CLIC4: variants seen among roughly 807,000 people sequenced by gnomAD.
CLIC4 encodes the protein CLIC family member 4.
Under a neutral mutation model 24.6 loss-of-function variants are expected in CLIC4, and 13 were observed. The ratio of observed to expected loss-of-function variants is 0.53; its 90% CI spans 0.34 to 0.84. The LOEUF is 0.84. CLIC4 is among the 40% of genes least tolerant of loss of function. CLIC4 has a pLI of 0.01. For synonymous variants in CLIC4, 104 were observed against 111.3 expected (o/e 0.93, Z 0.41); for missense variants, 227 against 301.7 (o/e 0.75, Z 1.83).
intron 2 of CLIC4, among the ~76,000 whole-genome samples, chr1:24,805,813 A>G (rs960176152): frequency 2.6e-5 from 4 of 152,188 alleles, no homozygotes; most frequent in Admixed American, 1.3e-4. Flanking sequence ...ATTTTAATAG[A>G]AATTAAGCCA....
At chr1:24,767,598 C>T (rs1639017093) in intron 1 of CLIC4, among the ~76,000 whole-genome samples, 2 of 152,160 alleles carry the variant, frequency 1.3e-5, no homozygotes, top group African/African-American at 4.8e-5. Context: ...CCTGTTGACA[C>T]TTACTAGGTA....
chr1:24,801,928 A>T (rs1008433006), intron 2 of CLIC4, among the ~76,000 whole-genome samples: 15 of 152,206 alleles, frequency 9.9e-5, no homozygotes, highest in African/African-American at 3.4e-4. Context: ...TTGGGCAGAG[A>T]TGTAAGAATG....
At chr1:24,820,439 A>T (rs962620854) in intron 3 of CLIC4, among the ~76,000 whole-genome samples, 4 of 150,568 alleles carry the variant, frequency 2.7e-5, no homozygotes, top group East Asian at 2.0e-4. Flanking sequence ...GTTTAAAAAA[A>T]TTTTTGTAGA....
intron 2 of CLIC4, among the ~76,000 whole-genome samples, chr1:24,799,148 C>T (rs1213348399): frequency 6.6e-6 from 1 of 151,290 alleles, no homozygotes. Context: ...GCTGCCTAGT[C>T]TGGAAAGTGA....
At chr1:24,799,567 G>T (rs1338713251) in intron 2 of CLIC4, among the ~76,000 whole-genome samples, 16 of 149,542 alleles carry the variant, frequency 1.1e-4, no homozygotes, top group African/African-American at 4.0e-4. Flanking sequence ...GAGCGTCTCC[G>T]CCCGGCCAGC....
intron 2 of CLIC4, among the ~76,000 whole-genome samples, chr1:24,807,177 T>C (rs181059839): frequency 9.2e-5 from 14 of 152,014 alleles, no homozygotes; most frequent in Non-Finnish European, 1.5e-5. Context: ...TAAGAATCTT[T>C]CTGTTTAGAG....
At chr1:24,746,084 T>A (rs1054152034) in intron 1 of CLIC4, among the ~76,000 whole-genome samples, 28 of 152,024 alleles carry the variant, frequency 1.8e-4, no homozygotes, top group Non-Finnish European at 3.1e-4. Flanking sequence ...CAAACGAACT[T>A]CTTTGAACGC....
chr1:24,771,882 C>T (rs763340870), intron 1 of CLIC4: 11 of 514,076 alleles, frequency 2.1e-5, no homozygotes, highest in East Asian at 1.1e-4. Flanking sequence ...GCTACCTCAT[C>T]TGTCAAGTGG....
At chr1:24,769,134 A>G (rs184706422) in intron 1 of CLIC4, among the ~76,000 whole-genome samples, 6 of 151,766 alleles carry the variant, frequency 4.0e-5, no homozygotes, top group Admixed American at 3.9e-4. Flanking sequence ...GTCTCAAAAC[A>G]AAAGAAAACA....
At chr1:24,816,024 A>C (rs1218594940) in intron 3 of CLIC4, among the ~76,000 whole-genome samples, 1 of 152,144 alleles carries the variant, frequency 6.6e-6, no homozygotes, top group East Asian at 1.9e-4. Flanking sequence ...CATCCATTCA[A>C]ATTTTATTAT....
intron 3 of CLIC4, among the ~76,000 whole-genome samples, chr1:24,822,688 G>A (rs965119075): frequency 3.9e-5 from 6 of 152,136 alleles, no homozygotes; most frequent in Admixed American, 2.6e-4. Context: ...TAACTCTTCT[G>A]ATGAATTTTT....
chr1:24,827,998 A>G (rs1639803929), intron 4 of CLIC4, among the ~76,000 whole-genome samples: 1 of 152,254 alleles, frequency 6.6e-6, no homozygotes, highest in African/African-American at 2.4e-5. Context: ...ATAGTTCCAG[A>G]TAGTTTCCTA....
intron 3 of CLIC4, among the ~76,000 whole-genome samples, chr1:24,818,028 C>G (rs1004376923): frequency 3.9e-5 from 6 of 152,128 alleles, no homozygotes; most frequent in African/African-American, 1.4e-4. Context: ...CATCAGAGAT[C>G]ACTAATCACA....
chr1:24,797,991 TATATAACTATTTTGGACAAGTC>T (rs2124132107), intron 2 of CLIC4, 140 bp downstream of exon 2: 3 of 630,906 alleles, frequency 4.8e-6, no homozygotes, highest in African/African-American at 1.9e-5. Context: ...AAACAACTTG[TATATAACTATTTTGGACAAGTC>T]ACGCTGTCAG....
intron 1 of CLIC4, among the ~76,000 whole-genome samples, chr1:24,795,910 A>G (rs1639393763): frequency 6.6e-6 from 1 of 152,160 alleles, no homozygotes; most frequent in South Asian, 2.1e-4. Flanking sequence ...GGAGGCGGGT[A>G]CACCTACAAG....
intron 1 of CLIC4, among the ~76,000 whole-genome samples, chr1:24,774,020 TGGA>T (rs773241323): frequency 1.3e-5 from 2 of 152,366 alleles, no homozygotes; most frequent in South Asian, 2.1e-4. Context: ...TGGCCCTGGC[TGGA>T]GTGCAGTGGT....
intron 3 of CLIC4, among the ~76,000 whole-genome samples, chr1:24,816,634 G>T (rs1418489353): frequency 2.0e-5 from 3 of 152,078 alleles, no homozygotes; most frequent in African/African-American, 7.2e-5. Flanking sequence ...ACTTTCTATG[G>T]CCTTATGAAA....
At chr1:24,746,469 C>T (rs1638699715) in intron 1 of CLIC4, among the ~76,000 whole-genome samples, 1 of 152,196 alleles carries the variant, frequency 6.6e-6, no homozygotes. Context: ...ACCCCTCTTC[C>T]TTTGCTTTTC....
intron 3 of CLIC4, among the ~76,000 whole-genome samples, chr1:24,820,039 C>T (rs1348557267): frequency 1.6e-5 from 1 of 63,550 alleles, no homozygotes; most frequent in Non-Finnish European, 3.6e-5. Context: ...CCGCGCCCAG[C>T]CATACTTCAA....
Sources: gnomAD v4.1 joint callset for allele counts (sites outside exome capture counted in the v4.1 genomes callset) on GRCh38, gnomAD v4.1.1 for gene constraint, MANE v1.5 for transcripts, NCBI Gene and HGNC (gene_info 2026-07-23, HGNC 2026-07-21) for gene names.